Variants in DLG4 observed in about 807,000 individuals in gnomAD.
DLG4 encodes disks large homolog 4.
DLG4 carries 7 observed loss-of-function variants against 93.8 expected under a neutral mutation model. The observed-to-expected ratio is 0.07, with a 90% CI of 0.04 to 0.14. The LOEUF is 0.14. DLG4 is among the 10% of genes least tolerant of loss of function. DLG4 has a pLI of 1.00. For synonymous variants in DLG4, 341 were observed against 387.6 expected, an observed-to-expected ratio of 0.88 and a Z score of 1.41; for missense variants, 545 against 992.9, an observed-to-expected ratio of 0.55 and a Z score of 6.06.
Position 7,193,661 on chromosome 17 carries a change from G to T in DLG4, c.1591+6C>A. On this transcript the variant is annotated splice_donor_region_variant and intron_variant, in intron 15 of 19. Transcript: ENST00000399506. The surrounding 1 kb of genome is among the most constrained non-coding windows in gnomAD (Gnocchi z 6.7). ...TGCTGGGGCCAAGGCAGGGGCCAGG[G>T]CTCACCTTCCATCTGCGTCACTGTC... 6.5e-7 allele frequency: 1 copy of T among 1,546,954 alleles called. No individual in the cohort carries two copies. Among genetic ancestry groups the T allele is most frequent in the Non-Finnish European group, 8.7e-7 (1 of 1,147,484 alleles).
chr17:7,216,602 GT>G (rs2070927632), intron 1 of DLG4, among the ~76,000 whole-genome samples: 1 of 152,114 alleles, frequency 6.6e-6, no homozygotes, highest in African/African-American at 2.4e-5. Context: ...CGAGATGCTT[GT>G]TCTAGAGTCT....
chr17:7,219,630 C>T (rs577538299), upstream of DLG4: 29 of 1,231,594 alleles, frequency 2.4e-5, no homozygotes, highest in Admixed American at 2.5e-4. Flanking sequence ...CTAACCCCAC[C>T]GGAGAAGCCC....
chr17:7,205,010 C>T (rs938382248), intron 2 of DLG4: 114 of 985,652 alleles, frequency 1.2e-4, no homozygotes, highest in Non-Finnish European at 1.2e-4. Context: ...GACCAAACTC[C>T]TGAGCGCAGA....
At position 7,191,793 on chromosome 17, in the gene DLG4, G is replaced by A; in HGVS notation, c.1976+100C>T. 2.3e-6 allele frequency: 2 copies of A among 874,358 alleles called. No homozygotes were observed. Among genetic ancestry groups the A allele is most frequent in the South Asian group, 4.6e-5 (2 of 43,860 alleles). 54.2% of individuals were successfully genotyped at this position (874,358 alleles called of 1,614,324 possible). ...CCCCTCAGGGGCTGCTGAAACCGCT[G>A]TCCAGGGTTCTGAAGGGAGAGTTGA... On this transcript the variant is annotated intron_variant, in intron 18 of 19. Transcript: ENST00000399506. The surrounding 1 kb of genome is among the most constrained non-coding windows in gnomAD (Gnocchi z 6.6).
In DLG4 at chr17:7,204,261, GA is replaced by G; in HGVS notation, c.97-10del. ...ACTGGGGGAGAATTGGCCTGTTTGG[GA>G]AAACAAGAGACAAAAAGCAGCCTGA... On this transcript the variant is annotated splice_polypyrimidine_tract_variant and intron_variant, in intron 2 of 19. Transcript: ENST00000399506. 6.3e-7 allele frequency: 1 copy of G among 1,577,502 alleles called. No homozygotes were observed. Among genetic ancestry groups the G allele is most frequent in the Non-Finnish European group, 8.6e-7 (1 of 1,160,574 alleles).
chr17:7,218,787 C>T, upstream of DLG4: 1 of 1,612,862 alleles, frequency 6.2e-7, no homozygotes, highest in Non-Finnish European at 8.5e-7. Context: ...CAGCCCCCCA[C>T]TTCGCTCCCA....
intron 1 of DLG4, among the ~76,000 whole-genome samples, chr17:7,214,768 A>G (rs2070839524): frequency 1.3e-5 from 2 of 152,184 alleles, no homozygotes. Flanking sequence ...ACGGGGGCGG[A>G]GTGGGAGAAA....
intron 17 of DLG4, 145 bp from the exon 18 acceptor site, chr17:7,192,147 C>T (rs967094442): frequency 4.8e-5 from 23 of 480,524 alleles, no homozygotes; most frequent in Admixed American, 4.6e-4. Context: ...AACACGGGGG[C>T]AGAGAGTCAG....
Position 7,208,642 on chromosome 17 carries a change from C to T in DLG4, c.31-403G>A, listed in dbSNP as rs1207052821. On this transcript the variant is annotated intron_variant, in intron 1 of 19. Transcript: ENST00000399506. The surrounding 1 kb of genome is among the most constrained non-coding windows in gnomAD (Gnocchi z 5.4). ...CACATCTCCATTCTCTGCCTCCAGT[C>T]CCCAACTTCCTTGCTTCTCTCACCA... Among the ~76,000 whole-genome samples, 1 of 152,074 alleles carries T rather than the reference C, an allele frequency of 6.6e-6. No homozygotes were observed. Among genetic ancestry groups the T allele is most frequent in the Non-Finnish European group, 1.5e-5 (1 of 68,016 alleles).
At chr17:7,205,298 T>G in intron 2 of DLG4, 1 of 525,828 alleles carries the variant, frequency 1.9e-6, no homozygotes, top group Non-Finnish European at 2.4e-6. Context: ...GTCAATCGCC[T>G]GGTCTCTAGA....
At position 7,197,010 on chromosome 17, in the gene DLG4, T is replaced by C. The variant is rs1455441489; in HGVS notation, c.830A>G (p.Tyr277Cys). ...HLDNEISHSS[Y>C]LGTDYPTAMT... ...GGCTGTGGGGTAGTCGGTGCCCAGG[T>C]AGCTGCTGTGACTGATCTCATTGTC... The change falls in exon 9 of 20, where the codon TAC becomes TGC. Residue 277 changes from tyrosine (Y) to cysteine (C), a missense_variant. By Grantham distance (194) the Tyr-to-Cys change is radical. Transcript: ENST00000399506. 1.2e-6 allele frequency: 2 copies of C among 1,613,188 alleles called. No individual in the cohort carries two copies. The highest frequency in any genetic ancestry group is 1.3e-5 in the African/African-American group (1 of 74,802).
upstream of DLG4, chr17:7,218,971 C>T (rs375703576): frequency 9.5e-7 from 1 of 1,049,218 alleles, no homozygotes. Flanking sequence ...TGTCCCATTC[C>T]CCCAGGTCCC....
At chr17:7,204,290 C>A in intron 2 of DLG4, 38 bp from the exon 3 acceptor site, 2 of 1,545,926 alleles carry the variant, frequency 1.3e-6, no homozygotes, top group South Asian at 1.2e-5. Flanking sequence ...CAGCCTGAGC[C>A]TTGACTCGAG....
At chr17:7,204,129 C>T (rs898213836) in intron 3 of DLG4, 62 bp from the exon 4 acceptor site, 4 of 1,599,486 alleles carry the variant, frequency 2.5e-6, no homozygotes, top group Non-Finnish European at 3.4e-6. Flanking sequence ...ACCTGCCCGT[C>T]ATCTGCTGCC....
In DLG4 at chr17:7,190,842, G is replaced by A. The variant is rs765593131; in HGVS notation, c.2069-28C>T. The A allele has an allele frequency of 3.1e-6, 5 of 1,596,278 alleles. No individual in the cohort carries two copies. The African/African-American group carries it at 5.4e-5, about 17-fold the overall frequency. On this transcript the variant is annotated intron_variant, in intron 19 of 19. Coordinates refer to ENST00000399506, the MANE Select transcript of DLG4 (RefSeq NM_001321075.3). ...GGGAGTGGGGTGGAGCAGGGAGTGA[G>A]GCCAAGGAAGGGCCAGAGGACACCT...
intron 8 of DLG4, among the ~76,000 whole-genome samples, chr17:7,199,829 A>C (rs959867232): frequency 6.6e-6 from 1 of 151,926 alleles, no homozygotes; most frequent in African/African-American, 2.4e-5. Flanking sequence ...TATACAAAAA[A>C]ATTAGCCAGG....
chr17:7,194,042 AC>A lies in DLG4; in HGVS notation c.1479-43del. On this transcript the variant is annotated intron_variant, in intron 12 of 19. Transcript: ENST00000399506. This position sits in a 1 kb window ranked among gnomAD's most constrained non-coding sequence, Gnocchi z 4.4. ...GGGATACGCGGGTAGGGGAATGCCT[AC>A]CCCCTGCCACCCCCATGCTCTGAGC... 1 of 1,595,746 alleles carries A rather than the reference AC, an allele frequency of 6.3e-7. No homozygotes were observed. Among genetic ancestry groups the A allele is most frequent in the Non-Finnish European group, 8.5e-7 (1 of 1,172,432 alleles).
chr17:7,207,755 ACAGG>A (rs2070537390), intron 2 of DLG4, among the ~76,000 whole-genome samples: 1 of 150,444 alleles, frequency 6.6e-6, no homozygotes. Context: ...CAGCACACAC[ACAGG>A]CACGCATGCA....
At chr17:7,199,068 T>C (rs1245444114) in intron 8 of DLG4, among the ~76,000 whole-genome samples, 1 of 152,052 alleles carries the variant, frequency 6.6e-6, no homozygotes, top group African/African-American at 2.4e-5. Flanking sequence ...TATGTCAACC[T>C]GTTGGTTACT....
Sources: allele counts gnomAD v4.1 joint callset (sites outside exome capture counted in the v4.1 genomes callset), GRCh38; gene constraint gnomAD v4.1.1; non-coding constraint Gnocchi (gnomAD v3.1); transcripts MANE v1.5; gene names NCBI Gene and HGNC (gene_info 2026-07-23, HGNC 2026-07-21).